The following LRCH1 variants were observed in gnomAD, a reference collection of about 807,000 sequenced individuals.
LRCH1 encodes leucine rich repeats and calponin homology domain containing 1.
LRCH1 carries 23 observed loss-of-function variants against 94.9 expected under a neutral mutation model. That is an observed-to-expected ratio of 0.24 (90% confidence interval 0.17 to 0.34). LRCH1 has a LOEUF of 0.34. LRCH1 is among the 10% of genes least tolerant of loss of function. LRCH1 has a pLI of 1.00. For missense variants in LRCH1, 790 were observed against 945.9 expected (o/e 0.84, Z 2.16); for synonymous variants, 364 against 354.9 (o/e 1.03, Z -0.29).
At chr13:46,575,473 C>T (rs1424252310) in intron 1 of LRCH1, among the ~76,000 whole-genome samples, 1 of 151,464 alleles carries the variant, frequency 6.6e-6, no homozygotes, top group East Asian at 1.9e-4. Context: ...TTGAAGGACA[C>T]ATTGCTCTGC....
chr13:46,725,967 G>T (rs146556554), intron 17 of LRCH1, among the ~76,000 whole-genome samples: 29 of 152,300 alleles, frequency 1.9e-4, no homozygotes, highest in Admixed American at 1.8e-3. Flanking sequence ...TAAAATTAGA[G>T]CCTGAAAGAG....
At chr13:46,583,676 A>C (rs2137946446) in intron 1 of LRCH1, among the ~76,000 whole-genome samples, 1 of 152,246 alleles carries the variant, frequency 6.6e-6, no homozygotes, top group East Asian at 1.9e-4. Context: ...AATGTGATTT[A>C]ATCTGACTAG....
In LRCH1 at chr13:46,711,861, T is replaced by C. The variant is rs1407378264; in HGVS notation, c.1581+17T>C. On this transcript the variant is annotated intron_variant, in intron 14 of 19. Transcript: ENST00000389797. ...CCAAATGAGGTAAGTTTCTTGAAGATTAATGGAAGGTGAGGTGTTTCTTGA... is the reference window on the plus strand; with the variant it reads ...CCAAATGAGGTAAGTTTCTTGAAGACTAATGGAAGGTGAGGTGTTTCTTGA... 2 of 1,601,374 alleles carry C rather than the reference T, an allele frequency of 1.2e-6. No individual in the cohort carries two copies. Among genetic ancestry groups the C allele is most frequent in the Admixed American group, 1.7e-5 (1 of 59,946 alleles).
intron 2 of LRCH1, among the ~76,000 whole-genome samples, chr13:46,651,758 T>G (rs1464457902): frequency 1.3e-5 from 2 of 149,174 alleles, no homozygotes; most frequent in East Asian, 4.1e-4. Flanking sequence ...TGGAGTGCAG[T>G]GGCGCCATCT....
At chr13:46,700,506 T>C (rs1871407482) in intron 10 of LRCH1, among the ~76,000 whole-genome samples, 1 of 152,086 alleles carries the variant, frequency 6.6e-6, no homozygotes, top group African/African-American at 2.4e-5. Context: ...ATATAACGGT[T>C]TGGAAACTCC....
rs189995202 is a variant in LRCH1 at position 46,708,974 on chromosome 13, A to G, written c.1528-2817A>G. ...GGAAGGGAGGGAAGAAGAGAGGGAG[A>G]GAGATAGGAAATTAGATGATGAGGA... On this transcript the variant is annotated intron_variant, in intron 13 of 19. Transcript: ENST00000389797. Among the ~76,000 whole-genome samples, 15 of 152,328 alleles carry G rather than the reference A, an allele frequency of 9.8e-5. No homozygotes were observed. The South Asian group carries it at 1.7e-3, about 17-fold the overall frequency.
downstream of LRCH1, among the ~76,000 whole-genome samples, chr13:46,746,747 T>C (rs1333673074): frequency 6.6e-6 from 1 of 152,192 alleles, no homozygotes; most frequent in Non-Finnish European, 1.5e-5. Context: ...GAGTCATTCC[T>C]CATCCAGCTG....
At chr13:46,553,827 T>C in intron 1 of LRCH1, 124 bp downstream of exon 1, 4 of 1,516,654 alleles carry the variant, frequency 2.6e-6, no homozygotes, top group Non-Finnish European at 2.7e-6. Flanking sequence ...CATCGGCCCG[T>C]TGTCTCCCGA....
chr13:46,696,062 G>T (rs1213339194), intron 9 of LRCH1, among the ~76,000 whole-genome samples: 3 of 152,068 alleles, frequency 2.0e-5, no homozygotes, highest in East Asian at 3.8e-4. Context: ...CCATTGCCTT[G>T]TTTCTGTCCC....
At chr13:46,675,682 C>T (rs1408732152) in intron 3 of LRCH1, among the ~76,000 whole-genome samples, 12 of 152,254 alleles carry the variant, frequency 7.9e-5, no homozygotes, top group South Asian at 2.1e-4. Flanking sequence ...GAGATAACAG[C>T]GGAGGCATAA....
At chr13:46,613,378 C>A (rs1452982103) in intron 1 of LRCH1, among the ~76,000 whole-genome samples, 1 of 115,520 alleles carries the variant, frequency 8.7e-6, no homozygotes, top group African/African-American at 3.7e-5. Flanking sequence ...CAGAGCGAGA[C>A]CCCGTCTGAA....
intron 1 of LRCH1, among the ~76,000 whole-genome samples, chr13:46,631,198 T>C (rs528228482): frequency 6.6e-6 from 1 of 152,344 alleles, no homozygotes; most frequent in Non-Finnish European, 1.5e-5. Context: ...AGCAAACATT[T>C]CCCTCAAACT....
intron 3 of LRCH1, among the ~76,000 whole-genome samples, chr13:46,676,955 C>CT (rs1431179663): frequency 5.3e-5 from 8 of 151,950 alleles, no homozygotes; most frequent in Non-Finnish European, 8.8e-5. Flanking sequence ...TTTTTTAAGT[C>CT]TTTTTGTAGA....
intron 19 of LRCH1, among the ~76,000 whole-genome samples, chr13:46,739,177 G>GT (rs1873531618): frequency 6.6e-6 from 1 of 152,166 alleles, no homozygotes; most frequent in African/African-American, 2.4e-5. Context: ...TGCTGGATCT[G>GT]TCTACTTTTC....
At chr13:46,557,842 G>C (rs2050082678) in intron 1 of LRCH1, among the ~76,000 whole-genome samples, 2 of 152,156 alleles carry the variant, frequency 1.3e-5, no homozygotes, top group African/African-American at 2.4e-5. Context: ...CTGGGCGACA[G>C]AGAGAGACTC....
At chr13:46,712,419 A>G in intron 14 of LRCH1, 106 bp from the exon 15 acceptor site, 3 of 856,368 alleles carry the variant, frequency 3.5e-6, no homozygotes, top group East Asian at 2.5e-5. Flanking sequence ...CAGCGAATGC[A>G]AAAAGGGAGT....
At chr13:46,641,365 T>C (rs2051156208) in intron 1 of LRCH1, among the ~76,000 whole-genome samples, 1 of 151,848 alleles carries the variant, frequency 6.6e-6, no homozygotes, top group Non-Finnish European at 1.5e-5. Context: ...AGCAAGAGGG[T>C]GGAGATAACA....
chr13:46,575,510 A>ATGTGTGTGTGTGTGTG lies in LRCH1; in HGVS notation c.307+21827_307+21842dup, dbSNP rs59582784. Among the ~76,000 whole-genome samples, 360 of 143,360 alleles carry ATGTGTGTGTGTGTGTG rather than the reference A, an allele frequency of 2.5e-3. 2 individuals carry two copies. The highest frequency in any genetic ancestry group is 0.017 in the East Asian group (82 of 4,770). 94.0% of individuals were successfully genotyped at this position (143,360 alleles called of 152,430 possible). ...GCATAACTGAAAAATCTGTGCATGA[A>ATGTGTGTGTGTGTGTG]TGTGTGTGTGTGTGTGTGTGTGTGT... On this transcript the variant is annotated intron_variant, in intron 1 of 19. Transcript: ENST00000389797.
In LRCH1 at chr13:46,631,888, A is replaced by G. The variant is rs529098946; in HGVS notation, c.308-18313A>G. Among the ~76,000 whole-genome samples, 7 of 152,288 alleles carry G rather than the reference A, an allele frequency of 4.6e-5. No individual in the cohort carries two copies. In the East Asian group the frequency reaches 1.4e-3, roughly 29 times the overall value. On this transcript the variant is annotated intron_variant, in intron 1 of 19. Coordinates refer to ENST00000389797, the MANE Select transcript of LRCH1 (RefSeq NM_001164211.2). ...TTCTGCAAGTGGGAATAATACTCCC[A>G]TTAAGTTGTTATGAGATTAAGACTT... is the stretch of plus-strand genomic sequence containing the variant.
Sources: allele counts gnomAD v4.1 joint callset (sites outside exome capture counted in the v4.1 genomes callset), GRCh38; gene constraint gnomAD v4.1.1; transcripts MANE v1.5; gene names NCBI Gene and HGNC (gene_info 2026-07-23, HGNC 2026-07-21).